NDRG1: variants seen among roughly 807,000 people sequenced by gnomAD.
NDRG1 encodes N-myc downstream regulated 1, also known as protein NDRG1.
NDRG1 carries 32 observed loss-of-function variants against 56.9 expected under a neutral mutation model. That is an observed-to-expected ratio of 0.56 (90% CI 0.42 to 0.76). NDRG1 has a LOEUF of 0.76. Among genes scored for constraint, NDRG1 ranks in the 30% least tolerant of loss-of-function variants. The pLI, the probability that NDRG1 is intolerant of heterozygous loss-of-function variation, is 0.00. For synonymous variants in NDRG1, 211 were observed against 204.1 expected (o/e 1.03, Z -0.29); for missense variants, 507 against 545.7 (o/e 0.93, Z 0.71).
chr8:133,246,988 A>G (rs576524856), intron 12 of NDRG1, among the ~76,000 whole-genome samples: 1 of 152,372 alleles, frequency 6.6e-6, no homozygotes, highest in South Asian at 2.1e-4. Context: ...CCTGCTAAAT[A>G]AATATCCTTG....
chr8:133,259,444 T>G (rs1378182223), intron 5 of NDRG1: 1 of 606,648 alleles, frequency 1.6e-6, no homozygotes, highest in Non-Finnish European at 3.0e-6. Context: ...ATGGACACAT[T>G]CTGGGAATTA....
intron 1 of NDRG1, among the ~76,000 whole-genome samples, chr8:133,294,453 G>A (rs1299947251): frequency 1.3e-5 from 2 of 152,212 alleles, no homozygotes; most frequent in Non-Finnish European, 2.9e-5. Flanking sequence ...AGTCTCAGAT[G>A]CTGAGTCATC....
At chr8:133,270,363 C>T (rs1463742252) in intron 3 of NDRG1, among the ~76,000 whole-genome samples, 3 of 152,216 alleles carry the variant, frequency 2.0e-5, no homozygotes, top group African/African-American at 7.2e-5. Context: ...GCATCCCAAA[C>T]ATCTGTTGTT....
chr8:133,280,165 T>C (rs1458073507), intron 3 of NDRG1, 67 bp downstream of exon 3: 1 of 1,578,122 alleles, frequency 6.3e-7, no homozygotes, highest in African/African-American at 1.4e-5. Flanking sequence ...CTTAAACCAA[T>C]GGAAAGAAAA....
intron 1 of NDRG1, among the ~76,000 whole-genome samples, chr8:133,295,621 A>T (rs572086865): frequency 6.6e-6 from 1 of 152,322 alleles, no homozygotes; most frequent in South Asian, 2.1e-4. Context: ...GTGAAACTCA[A>T]TAAGAACGCC....
intron 5 of NDRG1, among the ~76,000 whole-genome samples, chr8:133,259,781 C>T (rs914655492): frequency 1.3e-5 from 2 of 152,198 alleles, no homozygotes; most frequent in African/African-American, 4.8e-5. Flanking sequence ...AAAGCAGATG[C>T]AAACCAGGAC....
At chr8:133,285,196 T>G (rs910055934) in intron 1 of NDRG1, among the ~76,000 whole-genome samples, 3 of 152,154 alleles carry the variant, frequency 2.0e-5, no homozygotes, top group Non-Finnish European at 4.4e-5. Context: ...GAGCTGAATC[T>G]AGAAACCAGA....
chr8:133,283,166 C>A (rs934498034), intron 2 of NDRG1, among the ~76,000 whole-genome samples: 2 of 152,212 alleles, frequency 1.3e-5, no homozygotes, highest in East Asian at 3.8e-4. Context: ...ATTAACCTCC[C>A]TAAGACCCAA....
intron 2 of NDRG1, among the ~76,000 whole-genome samples, chr8:133,282,712 TTGTA>T (rs1857881293): frequency 1.3e-5 from 2 of 152,238 alleles, no homozygotes; most frequent in Non-Finnish European, 2.9e-5. Context: ...GTACATTCAC[TTGTA>T]TACTGTCTAT....
chr8:133,288,727 G>A (rs1008876186), intron 1 of NDRG1, among the ~76,000 whole-genome samples: 1 of 152,222 alleles, frequency 6.6e-6, no homozygotes, highest in Non-Finnish European at 1.5e-5. Flanking sequence ...AACCAGGGCT[G>A]ACTCCTAGCC....
intron 3 of NDRG1, among the ~76,000 whole-genome samples, chr8:133,270,748 T>A (rs567385232): frequency 6.6e-6 from 1 of 152,336 alleles, no homozygotes; most frequent in African/African-American, 2.4e-5. Context: ...GTTAGCTTTC[T>A]AGGTTGGTGA....
rs558766924 is a variant in NDRG1, at chr8:133,250,707, G to A, written c.595-164C>T. Among the ~76,000 whole-genome samples, 7 of 151,832 alleles carry A rather than the reference G, an allele frequency of 4.6e-5. No individual in the cohort carries two copies. In the East Asian group the frequency reaches 1.2e-3, roughly 25 times the overall value. ...AAAAAAACCTTTGGGAAAGCAACACGCCCAACCAGGTGCAGACAGGGGTTT... is the reference window on the plus strand; with the variant it reads ...AAAAAAACCTTTGGGAAAGCAACACACCCAACCAGGTGCAGACAGGGGTTT... On this transcript the variant is annotated intron_variant, in intron 9 of 15. Coordinates refer to ENST00000323851, the MANE Select transcript of NDRG1 (RefSeq NM_006096.4).
chr8:133,274,433 G>A (rs957809089), intron 3 of NDRG1, among the ~76,000 whole-genome samples: 2 of 152,330 alleles, frequency 1.3e-5, no homozygotes, highest in African/African-American at 4.8e-5. Flanking sequence ...GAATGACATC[G>A]GCTGCTTTCA....
chr8:133,241,067 G>C (rs1855353293), intron 15 of NDRG1: 1 of 152,230 alleles, frequency 6.6e-6, no homozygotes, highest in Admixed American at 6.5e-5. Flanking sequence ...CCAATGCTAG[G>C]ACTGCAGTCA....
chr8:133,273,901 C>A (rs944175197), intron 3 of NDRG1, among the ~76,000 whole-genome samples: 2 of 152,292 alleles, frequency 1.3e-5, no homozygotes, highest in Admixed American at 6.5e-5. Flanking sequence ...AATACTCCCC[C>A]CCTCCCTACT....
At chr8:133,284,040 T>C (rs973990997) in intron 2 of NDRG1, among the ~76,000 whole-genome samples, 4 of 152,234 alleles carry the variant, frequency 2.6e-5, no homozygotes, top group African/African-American at 9.6e-5. Context: ...AAGGAAGCAG[T>C]GGACAAATGT....
chr8:133,256,451 C>T (rs1432877806), intron 8 of NDRG1, among the ~76,000 whole-genome samples: 1 of 152,186 alleles, frequency 6.6e-6, no homozygotes, highest in Non-Finnish European at 1.5e-5. Context: ...TGCTCAGCAT[C>T]TTGACCAAAG....
At chr8:133,259,905 G>A (rs111708508) in intron 5 of NDRG1, among the ~76,000 whole-genome samples, 1,998 of 152,308 alleles carry the variant, frequency 0.013, 17 homozygotes, top group Middle Eastern at 0.031. Context: ...AAGAAGTGAC[G>A]CTGAAGGGGT....
chr8:133,266,407 G>C (rs1038318081), intron 3 of NDRG1, among the ~76,000 whole-genome samples: 1 of 152,358 alleles, frequency 6.6e-6, no homozygotes, highest in African/African-American at 2.4e-5. Flanking sequence ...GCAGCAGAGA[G>C]GAAGGTCAGC....
Sources: allele counts gnomAD v4.1 joint callset (sites outside exome capture counted in the v4.1 genomes callset), GRCh38; gene constraint gnomAD v4.1.1; transcripts MANE v1.5; gene names NCBI Gene and HGNC (gene_info 2026-07-23, HGNC 2026-07-21).